The following SEC23A variants were observed in gnomAD, a reference collection of about 807,000 sequenced individuals.
SEC23A encodes the protein SEC23 homolog A, COPII component.
SEC23A carries 56 observed loss-of-function variants against 103.7 expected under a neutral mutation model. That is an observed-to-expected ratio of 0.54 (90% CI 0.44 to 0.67). The LOEUF is 0.67. Ranked by LOEUF, SEC23A falls within the 30% of genes least tolerant of loss-of-function variation. The pLI, the probability that SEC23A is intolerant of heterozygous loss-of-function variation, is 0.00. For synonymous variants in SEC23A, 281 were observed against 293.0 expected (o/e 0.96, Z 0.42); for missense variants, 784 against 936.4 (o/e 0.84, Z 2.12).
At chr14:39,093,500 C>T (rs1887736545) in intron 2 of SEC23A, among the ~76,000 whole-genome samples, 1 of 152,132 alleles carries the variant, frequency 6.6e-6, no homozygotes, top group Middle Eastern at 3.2e-3. Flanking sequence ...TAGGTCACGC[C>T]TGTAATCTCA....
At chr14:39,072,895 A>C (rs1295180624) in intron 9 of SEC23A, among the ~76,000 whole-genome samples, 1 of 152,220 alleles carries the variant, frequency 6.6e-6, no homozygotes, top group African/African-American at 2.4e-5. Flanking sequence ...TGGTAATGGG[A>C]ATTTAAATTG....
intron 14 of SEC23A, among the ~76,000 whole-genome samples, chr14:39,050,491 A>G (rs575857927): frequency 1.3e-5 from 2 of 152,320 alleles, no homozygotes; most frequent in African/African-American, 4.8e-5. Flanking sequence ...AAGTCCCAAT[A>G]GTCTTAAGAC....
At chr14:39,073,474 A>C (rs1458671036) in intron 9 of SEC23A, among the ~76,000 whole-genome samples, 1 of 150,768 alleles carries the variant, frequency 6.6e-6, no homozygotes, top group Non-Finnish European at 1.5e-5. Context: ...TATGTTTTTT[A>C]GTAGAGACAG....
Position 39,048,690 on chromosome 14 carries a change from A to T in SEC23A, c.1699T>A (p.Ser567Thr). ...GAGAAAGTTTCTGAAAATCTGAAGGAACTTGGGTCATCTTTATGATATTCT... is the reference window on the plus strand; with the variant it reads ...GAGAAAGTTTCTGAAAATCTGAAGGTACTTGGGTCATCTTTATGATATTCT... Reference protein sequence around the residue: ...FGEYHKDDPSSFRFSETFSLY... With the variant: ...FGEYHKDDPSTFRFSETFSLY... Residue 567 changes from serine to threonine, a missense_variant, in exon 15 of 20, where the codon TCC (serine) becomes ACC (threonine). By Grantham distance (58) the Ser-to-Thr change is moderately conservative. Around this residue, in one of 2 missense-constraint regions of SEC23A, gnomAD observed 683 missense variants for 774.2 expected, o/e 0.88. Transcript: ENST00000307712. 6.3e-7 allele frequency: 1 copy of T among 1,594,266 alleles called. No individual in the cohort carries two copies. Among genetic ancestry groups the T allele is most frequent in the Non-Finnish European group, 8.6e-7 (1 of 1,162,038 alleles).
intron 14 of SEC23A, among the ~76,000 whole-genome samples, chr14:39,053,677 A>T (rs773984652): frequency 6.6e-6 from 1 of 152,242 alleles, no homozygotes; most frequent in Non-Finnish European, 1.5e-5. Context: ...AAGAATTTTT[A>T]AAATTACATG....
chr14:39,048,373 G>A (rs1885920143), intron 15 of SEC23A, among the ~76,000 whole-genome samples: 1 of 152,032 alleles, frequency 6.6e-6, no homozygotes, highest in Non-Finnish European at 1.5e-5. Context: ...TAGCACTTTG[G>A]GAGGCCAAGG....
chr14:39,055,703 C>A (rs1886222023), intron 13 of SEC23A, among the ~76,000 whole-genome samples: 1 of 152,122 alleles, frequency 6.6e-6, no homozygotes, highest in African/African-American at 2.4e-5. Context: ...AAGCCCAGAC[C>A]CAGGCAAAGT....
intron 13 of SEC23A, 114 bp from the exon 14 acceptor site, chr14:39,055,410 ATT>A (rs11301994): frequency 0.017 from 13,779 of 806,830 alleles, 23 homozygotes; most frequent in East Asian, 0.068. Flanking sequence ...AACTACTAGG[ATT>A]TTTTTTTTTT....
At chr14:39,075,328 C>T (rs922864834) in intron 8 of SEC23A, among the ~76,000 whole-genome samples, 5 of 152,054 alleles carry the variant, frequency 3.3e-5, no homozygotes, top group Non-Finnish European at 7.4e-5. Flanking sequence ...TCATAAATTA[C>T]TTTTAAACAT....
intron 10 of SEC23A, 73 bp from the exon 11 acceptor site, chr14:39,065,066 AATATAAG>A: frequency 1.1e-6 from 1 of 919,584 alleles, no homozygotes; most frequent in South Asian, 1.3e-5. Context: ...GGTGTATAAG[AATATAAG>A]ATATTCATCT....
At chr14:39,061,517 A>G (rs1161977172) in intron 13 of SEC23A, among the ~76,000 whole-genome samples, 3 of 152,128 alleles carry the variant, frequency 2.0e-5, no homozygotes, top group African/African-American at 7.2e-5. Flanking sequence ...CTCCTCTCAC[A>G]GGAATGAGGT....
intron 2 of SEC23A, 34 bp from the exon 3 acceptor site, chr14:39,093,278 C>G: frequency 6.5e-7 from 1 of 1,534,764 alleles, no homozygotes; most frequent in Non-Finnish European, 8.9e-7. Context: ...CATATCAGTT[C>G]ATATTTCAGT....
At chr14:39,038,190 G>C (rs1003718886) in intron 19 of SEC23A, among the ~76,000 whole-genome samples, 1 of 152,048 alleles carries the variant, frequency 6.6e-6, no homozygotes, top group African/African-American at 2.4e-5. Flanking sequence ...CCTTCCTCAT[G>C]CAATTTCCAA....
intron 14 of SEC23A, among the ~76,000 whole-genome samples, chr14:39,049,926 G>A (rs562392798): frequency 2.7e-4 from 41 of 151,786 alleles, no homozygotes; most frequent in African/African-American, 9.9e-4. Flanking sequence ...CCGCCGCCAC[G>A]CCCAGCTAAT....
At chr14:39,045,904 T>C (rs1055384123) in intron 15 of SEC23A, among the ~76,000 whole-genome samples, 8 of 77,458 alleles carry the variant, frequency 1.0e-4, no homozygotes, top group African/African-American at 3.5e-4. Flanking sequence ...ATGATTTGGC[T>C]ACATCCCCAC....
Position 39,033,060 on chromosome 14 carries a change from C to G in SEC23A, c.*179G>C. On this transcript the variant is annotated 3_prime_UTR_variant, in exon 20 of 20. Transcript: ENST00000307712. ...GCAAAATAAATTTGTTCTTATTGCTCTCATTATAATTCCAGCTTAATCTAC... is the reference window on the plus strand; with the variant it reads ...GCAAAATAAATTTGTTCTTATTGCTGTCATTATAATTCCAGCTTAATCTAC... The G allele has an allele frequency of 1.6e-6, 1 of 609,166 alleles. No individual in the cohort carries two copies. Among genetic ancestry groups the G allele is most frequent in the Non-Finnish European group, 3.0e-6 (1 of 336,068 alleles). The allele number at this position is 609,166 out of a possible 1,614,324, so 37.7% of individuals were successfully genotyped here.
chr14:39,036,897 G>A (rs527453652), intron 19 of SEC23A, among the ~76,000 whole-genome samples: 20 of 152,060 alleles, frequency 1.3e-4, no homozygotes, highest in Middle Eastern at 3.4e-3. Context: ...TACTAAAGCC[G>A]CTTACACAAT....
intron 9 of SEC23A, among the ~76,000 whole-genome samples, chr14:39,067,666 C>CTTTTTTTTTTTT (rs762046832): frequency 2.4e-5 from 2 of 82,168 alleles, no homozygotes. Flanking sequence ...CATGCATTCT[C>CTTTTTTTTTTTT]TTTTTTTTTT....
intron 1 of SEC23A, among the ~76,000 whole-genome samples, chr14:39,099,572 T>G (rs1231081552): frequency 2.0e-5 from 3 of 152,174 alleles, no homozygotes; most frequent in Non-Finnish European, 4.4e-5. Flanking sequence ...TGATAGTATA[T>G]AACAAAATGT....
Sources: gnomAD v4.1 joint callset for allele counts (sites outside exome capture counted in the v4.1 genomes callset) on GRCh38, gnomAD v4.1.1 for gene constraint, gnomAD v4.1.1 regional missense constraint, MANE v1.5 for transcripts, NCBI Gene and HGNC (gene_info 2026-07-23, HGNC 2026-07-21) for gene names.